The following TRAPPC9 variants were observed in gnomAD, a reference collection of about 807,000 sequenced individuals.
TRAPPC9 encodes trafficking protein particle complex subunit 9, also known as IKK2 binding protein.
TRAPPC9 carries 83 observed loss-of-function variants against 124.0 expected under a neutral mutation model. That is an observed-to-expected ratio of 0.67 (90% CI 0.56 to 0.80). The LOEUF (loss-of-function observed/expected upper bound fraction) is 0.80, where lower values mean the gene tolerates loss of function less well. Among genes scored for constraint, TRAPPC9 ranks in the 30% least tolerant of loss-of-function variants. The pLI, the probability that TRAPPC9 is intolerant of heterozygous loss-of-function variation, is 0.00. For missense variants in TRAPPC9, 1,302 were observed against 1,508.3 expected, an observed-to-expected ratio of 0.86 and a Z score of 2.27; for synonymous variants, 638 against 617.5, an observed-to-expected ratio of 1.03 and a Z score of -0.49.
intron 19 of TRAPPC9, among the ~76,000 whole-genome samples, chr8:139,941,802 C>A (rs1302046937): frequency 7.9e-5 from 12 of 152,310 alleles, no homozygotes; most frequent in Admixed American, 7.2e-4. Context: ...ACTCTGCACC[C>A]CTGGGCTCAG....
chr8:140,067,054 C>G (rs940655990), intron 17 of TRAPPC9, among the ~76,000 whole-genome samples: 1 of 152,168 alleles, frequency 6.6e-6, no homozygotes, highest in African/African-American at 2.4e-5. Flanking sequence ...ATTTTTGTCA[C>G]ATATCTGTTC....
rs1052323900 is a variant in TRAPPC9, at chr8:140,391,243, C to G, written c.1134+6377G>C. ...CATAAGCCAAAATGTTTTCAAATGG[C>G]TCGGAATCATTCCTGAATATTTGGT... is the stretch of plus-strand genomic sequence containing the variant. On this transcript the variant is annotated intron_variant, in intron 7 of 22. Transcript: ENST00000438773. Among the ~76,000 whole-genome samples, 18 of 152,326 alleles carry G rather than the reference C, an allele frequency of 1.2e-4. No individual in the cohort carries two copies. In the East Asian group the frequency reaches 3.5e-3, roughly 29 times the overall value.
chr8:139,970,566 G>A (rs966920889), intron 19 of TRAPPC9, among the ~76,000 whole-genome samples: 17 of 152,100 alleles, frequency 1.1e-4, no homozygotes, highest in Non-Finnish European at 2.2e-4. Flanking sequence ...TCAGACACAC[G>A]GAGGGGCGCG....
At chr8:140,245,475 G>C (rs1038760075) in intron 16 of TRAPPC9, among the ~76,000 whole-genome samples, 6 of 152,000 alleles carry the variant, frequency 3.9e-5, no homozygotes, top group South Asian at 2.1e-4. Context: ...GTGTGTGTGT[G>C]TGTGTGTGTG....
intron 21 of TRAPPC9, among the ~76,000 whole-genome samples, chr8:139,798,014 A>G (rs1823222985): frequency 6.6e-6 from 1 of 152,228 alleles, no homozygotes; most frequent in Non-Finnish European, 1.5e-5. Context: ...TTTTAGGATC[A>G]GCAGCTTGTC....
intron 7 of TRAPPC9, among the ~76,000 whole-genome samples, chr8:140,377,513 G>A (rs1172017498): frequency 6.6e-6 from 1 of 152,026 alleles, no homozygotes; most frequent in African/African-American, 2.4e-5. Flanking sequence ...TGGCCAAGCT[G>A]GTCTCAAACT....
chr8:139,941,198 C>G (rs1473288260), intron 19 of TRAPPC9, among the ~76,000 whole-genome samples: 1 of 152,238 alleles, frequency 6.6e-6, no homozygotes, highest in African/African-American at 2.4e-5. Flanking sequence ...CTCCCCGGCC[C>G]TCAGCCTTCA....
rs183107095 is a variant in TRAPPC9 at position 140,346,340 on chromosome 8, C to T, written c.1495+13710G>A. ...GGGATTACGCACAGTACCCAACTTA[C>T]GCGAGATGATCCACAAATACCTGCA... is the stretch of plus-strand genomic sequence containing the variant. On this transcript the variant is annotated intron_variant, in intron 9 of 22. Transcript: ENST00000438773. Among the ~76,000 whole-genome samples the T allele has an allele frequency of 5.3e-5, 8 of 152,282 alleles. No individual in the cohort carries two copies. In the East Asian group the frequency reaches 1.2e-3, roughly 22 times the overall value.
intron 17 of TRAPPC9, among the ~76,000 whole-genome samples, chr8:140,050,396 C>A (rs550245529): frequency 6.6e-6 from 1 of 152,332 alleles, no homozygotes; most frequent in East Asian, 1.9e-4. Flanking sequence ...CCATCTCATG[C>A]GGTTCTCACA....
intron 21 of TRAPPC9, among the ~76,000 whole-genome samples, chr8:139,741,608 G>A (rs1031491014): frequency 6.6e-6 from 1 of 152,122 alleles, no homozygotes; most frequent in Non-Finnish European, 1.5e-5. Context: ...ACCACAGCCC[G>A]TTTTCGAACA....
At chr8:140,077,597 C>T (rs1843581501) in intron 17 of TRAPPC9, among the ~76,000 whole-genome samples, 1 of 151,844 alleles carries the variant, frequency 6.6e-6, no homozygotes, top group Non-Finnish European at 1.5e-5. Flanking sequence ...CAGATGCTTG[C>T]TGGGGGGACT....
intron 17 of TRAPPC9, among the ~76,000 whole-genome samples, chr8:140,202,781 C>A (rs1483976325): frequency 6.6e-6 from 1 of 152,192 alleles, no homozygotes; most frequent in Non-Finnish European, 1.5e-5. Context: ...AGATACTGGG[C>A]ATCTATTTCT....
At chr8:140,292,718 G>A (rs2065693344) in intron 11 of TRAPPC9, among the ~76,000 whole-genome samples, 1 of 150,978 alleles carries the variant, frequency 6.6e-6, no homozygotes, top group African/African-American at 2.4e-5. Context: ...ATTAATTCAA[G>A]ATGGATTAAA....
chr8:139,813,837 C>T (rs184602114), intron 21 of TRAPPC9, among the ~76,000 whole-genome samples: 7 of 152,174 alleles, frequency 4.6e-5, no homozygotes, highest in East Asian at 1.9e-4. Flanking sequence ...ATGGTGACAG[C>T]GCCAGGGCAG....
Position 139,731,001 on chromosome 8 carries a change from G to A in TRAPPC9, c.*60C>T, listed in dbSNP as rs1187983276. On this transcript the variant is annotated 3_prime_UTR_variant, in exon 23 of 23. Transcript: ENST00000438773. ...GAAGGCCTTGCTCATTGCAGGGGGT[G>A]TGGGAGGCCAGGCAGGGTCACCTCT... is the stretch of plus-strand genomic sequence containing the variant. The A allele has an allele frequency of 6.3e-7, 1 of 1,588,224 alleles. No individual in the cohort carries two copies. The highest frequency in any genetic ancestry group is 8.6e-7 in the Non-Finnish European group (1 of 1,166,302).
intron 21 of TRAPPC9, among the ~76,000 whole-genome samples, chr8:139,885,203 A>G (rs184742046): frequency 9.8e-5 from 15 of 152,350 alleles, no homozygotes; most frequent in Non-Finnish European, 1.6e-4. Flanking sequence ...ACTTCAAAAG[A>G]AATGCTAAGC....
chr8:140,062,691 G>A (rs1475432300), intron 17 of TRAPPC9, among the ~76,000 whole-genome samples: 1 of 152,050 alleles, frequency 6.6e-6, no homozygotes, highest in East Asian at 1.9e-4. Flanking sequence ...ACTAGAAGAT[G>A]AGCTCCTATG....
At position 140,187,458 on chromosome 8, in the gene TRAPPC9, C is replaced by G. The variant is rs1035025110; in HGVS notation, c.2556+34001G>C. Reference sequence around the variant, plus strand: ...AGCTGCTTCCGAGGGTCCCACATGGCTGAGACTCAGCTCAAGGCTATACTT... The same window carrying G: ...AGCTGCTTCCGAGGGTCCCACATGGGTGAGACTCAGCTCAAGGCTATACTT... On this transcript the variant is annotated intron_variant, in intron 17 of 22. Coordinates refer to ENST00000438773, the MANE Select transcript of TRAPPC9 (RefSeq NM_001160372.4). 2.0e-5 allele frequency among the ~76,000 whole-genome samples: 3 copies of G among 152,326 alleles called. No individual in the cohort carries two copies. In the East Asian group the frequency reaches 5.8e-4, roughly 29 times the overall value.
At chr8:140,239,142 C>T (rs1304090312) in intron 16 of TRAPPC9, among the ~76,000 whole-genome samples, 2 of 152,278 alleles carry the variant, frequency 1.3e-5, no homozygotes, top group East Asian at 3.9e-4. Flanking sequence ...GGAAGAACAA[C>T]GAAGACGGCA....
Sources: gnomAD v4.1 joint callset for allele counts (sites outside exome capture counted in the v4.1 genomes callset) on GRCh38, gnomAD v4.1.1 for gene constraint, MANE v1.5 for transcripts, NCBI Gene and HGNC (gene_info 2026-07-23, HGNC 2026-07-21) for gene names.